Variants in STXBP5L observed in about 807,000 individuals in gnomAD.
STXBP5L encodes syntaxin-binding protein 5-like.
A neutral mutation model predicts 144.5 loss-of-function variants in STXBP5L; 65 were observed. The observed-to-expected ratio is 0.45, with a 90% CI of 0.37 to 0.55. The LOEUF is 0.55. Ranked by LOEUF, STXBP5L falls within the 20% of genes least tolerant of loss-of-function variation. The probability of loss-of-function intolerance (pLI) is 0.00; values close to 1 mark genes in which losing one functional copy is unlikely to be tolerated. For missense variants in STXBP5L, 1,298 were observed against 1,405.5 expected, an observed-to-expected ratio of 0.92 and a Z score of 1.22; for synonymous variants, 505 against 469.6, an observed-to-expected ratio of 1.08 and a Z score of -0.97.
intron 14 of STXBP5L, among the ~76,000 whole-genome samples, chr3:121,248,401 T>TG (rs1417325005): frequency 6.6e-6 from 1 of 152,210 alleles, no homozygotes; most frequent in Admixed American, 6.5e-5. Context: ...TTAGTGATGA[T>TG]GGCATTTTTT....
At chr3:121,130,991 A>G (rs1222899365) in intron 7 of STXBP5L, among the ~76,000 whole-genome samples, 1 of 152,078 alleles carries the variant, frequency 6.6e-6, no homozygotes, top group Non-Finnish European at 1.5e-5. Flanking sequence ...GAAAGCTAGA[A>G]AAACGATTAA....
intron 3 of STXBP5L, among the ~76,000 whole-genome samples, chr3:120,988,377 G>A (rs1240570776): frequency 1.3e-5 from 2 of 151,710 alleles, no homozygotes; most frequent in East Asian, 1.9e-4. Context: ...CCTTAGAAGT[G>A]TACTAATTAA....
intron 16 of STXBP5L, 89 bp downstream of exon 16, chr3:121,255,201 A>T: frequency 5.0e-6 from 5 of 993,308 alleles, no homozygotes; most frequent in Non-Finnish European, 7.2e-6. Flanking sequence ...TATGGTTTCC[A>T]TGAAGTGTGC....
intron 9 of STXBP5L, among the ~76,000 whole-genome samples, chr3:121,167,520 G>C (rs2108043957): frequency 6.6e-6 from 1 of 152,242 alleles, no homozygotes; most frequent in South Asian, 2.1e-4. Context: ...TCTGAGGCTT[G>C]AGTAGGCTGT....
chr3:121,359,790 T>C (rs1475255001), intron 20 of STXBP5L, among the ~76,000 whole-genome samples: 2 of 151,836 alleles, frequency 1.3e-5, no homozygotes, highest in African/African-American at 4.8e-5. Flanking sequence ...TTCTCTATTC[T>C]GTCCCATTGG....
At chr3:121,304,975 C>A (rs973957826) in intron 19 of STXBP5L, among the ~76,000 whole-genome samples, 3 of 150,938 alleles carry the variant, frequency 2.0e-5, no homozygotes, top group Non-Finnish European at 4.4e-5. Flanking sequence ...ATAATTAATA[C>A]CAGGAGTGAA....
At chr3:120,976,795 G>A (rs1416777117) in intron 3 of STXBP5L, among the ~76,000 whole-genome samples, 13 of 152,118 alleles carry the variant, frequency 8.5e-5, no homozygotes, top group East Asian at 1.9e-4. Flanking sequence ...CCTTCATTTC[G>A]TTATGTACCC....
At position 121,271,285 on chromosome 3, in the gene STXBP5L, TA is replaced by T. The variant is rs534206380; in HGVS notation, c.1959-8518del. Among the ~76,000 whole-genome samples the T allele has an allele frequency of 5.3e-5, 8 of 152,348 alleles. 1 individual carries two copies. The South Asian group carries it at 1.5e-3, about 28-fold the overall frequency. ...TCTATCATTTGTGCCTGTGATGCTC[TA>T]ATTCTTCCAGATTTGACCATATGGA... On this transcript the variant is annotated intron_variant, in intron 18 of 26. Coordinates refer to ENST00000471454, the MANE Select transcript of STXBP5L (RefSeq NM_001308330.2).
intron 5 of STXBP5L, among the ~76,000 whole-genome samples, chr3:121,063,501 G>C (rs2041388341): frequency 6.6e-6 from 1 of 152,220 alleles, no homozygotes; most frequent in Non-Finnish European, 1.5e-5. Context: ...GAGGCAGTCT[G>C]TCCCTTAGCA....
chr3:121,362,610 G>A (rs73855375), intron 20 of STXBP5L, among the ~76,000 whole-genome samples: 2,104 of 152,232 alleles, frequency 0.014, 51 homozygotes, highest in African/African-American at 0.048. Flanking sequence ...TGCCTGGCCT[G>A]GGACTCAGCC....
At chr3:121,114,773 C>T (rs943737208) in intron 5 of STXBP5L, 152 bp from the exon 6 acceptor site, 2 of 434,552 alleles carry the variant, frequency 4.6e-6, no homozygotes, top group Non-Finnish European at 7.9e-6. Context: ...ATTATTTATC[C>T]TATACTCTCA....
intron 9 of STXBP5L, among the ~76,000 whole-genome samples, chr3:121,177,755 G>C (rs1280228208): frequency 6.6e-6 from 1 of 152,158 alleles, no homozygotes; most frequent in Non-Finnish European, 1.5e-5. Flanking sequence ...CTTACTATTT[G>C]ATCTACCAGT....
At chr3:121,390,692 A>G (rs2046559621) in intron 22 of STXBP5L, among the ~76,000 whole-genome samples, 1 of 152,098 alleles carries the variant, frequency 6.6e-6, no homozygotes, top group Admixed American at 6.5e-5. Flanking sequence ...TTTTTTCTTT[A>G]AGAATGTTGA....
intron 5 of STXBP5L, among the ~76,000 whole-genome samples, chr3:121,084,212 T>G (rs142311466): frequency 1.4e-4 from 21 of 152,312 alleles, no homozygotes; most frequent in African/African-American, 4.8e-4. Context: ...GTAATTTTAT[T>G]TTATTTTAAG....
intron 3 of STXBP5L, among the ~76,000 whole-genome samples, chr3:120,999,554 C>G (rs1020185783): frequency 6.6e-6 from 1 of 151,786 alleles, no homozygotes; most frequent in Non-Finnish European, 1.5e-5. Flanking sequence ...TAAAATGAGT[C>G]ATTTAGCCCA....
At chr3:121,291,571 C>T (rs1577378412) in intron 19 of STXBP5L, among the ~76,000 whole-genome samples, 1 of 151,878 alleles carries the variant, frequency 6.6e-6, no homozygotes, top group Non-Finnish European at 1.5e-5. Context: ...AATTCATTCA[C>T]ACAGTACCAA....
In STXBP5L at chr3:121,079,163, G is replaced by A. The variant is rs114637132; in HGVS notation, c.470+33628G>A. Among the ~76,000 whole-genome samples the A allele has an allele frequency of 9.6e-3, 1,465 of 152,364 alleles. 11 individuals carry two copies. The highest frequency in any genetic ancestry group is 0.013 in the Non-Finnish European group (914 of 68,040). ...AGGAAAGTTTATTAAGGTGCTCACC[G>A]GCTCAGCCGGACATATGTCCAGAAA... On this transcript the variant is annotated intron_variant, in intron 5 of 26. Transcript: ENST00000471454.
chr3:121,043,797 C>T (rs565534214), intron 4 of STXBP5L, among the ~76,000 whole-genome samples: 4 of 152,190 alleles, frequency 2.6e-5, no homozygotes, highest in African/African-American at 9.7e-5. Flanking sequence ...ATATATGCTA[C>T]TTTAATAACA....
intron 3 of STXBP5L, among the ~76,000 whole-genome samples, chr3:121,008,183 C>T (rs549653001): frequency 5.9e-5 from 9 of 151,972 alleles, no homozygotes; most frequent in East Asian, 5.8e-4. Flanking sequence ...TGGGCATCGA[C>T]GCCTCAATAA....
Sources: gnomAD v4.1 joint callset for allele counts (sites outside exome capture counted in the v4.1 genomes callset) on GRCh38, gnomAD v4.1.1 for gene constraint, MANE v1.5 for transcripts, NCBI Gene and HGNC (gene_info 2026-07-23, HGNC 2026-07-21) for gene names.